The following NEBL variants were observed in gnomAD, a reference collection of about 807,000 sequenced individuals.
NEBL encodes LIM and SH3 protein 2.
NEBL carries 122 observed loss-of-function variants against 140.2 expected under a neutral mutation model. The ratio of observed to expected loss-of-function variants is 0.87; its 90% CI spans 0.75 to 1.01. NEBL has a LOEUF of 1.01. Ranked by LOEUF, NEBL falls within the 50% of genes least tolerant of loss-of-function variation. The pLI is 0.00. For synonymous variants in NEBL, 436 were observed against 398.9 expected (o/e 1.09, Z -1.11); for missense variants, 1,365 against 1,231.3 (o/e 1.11, Z -1.62).
At chr10:20,809,522 C>T (rs1227487414) in intron 25 of NEBL, among the ~76,000 whole-genome samples, 4 of 151,992 alleles carry the variant, frequency 2.6e-5, no homozygotes, top group Non-Finnish European at 5.9e-5. Context: ...CACTTTAGTG[C>T]AATCCAAATA....
intron 2 of NEBL, among the ~76,000 whole-genome samples, chr10:21,151,753 T>A (rs968737834): frequency 1.4e-4 from 22 of 152,102 alleles, no homozygotes; most frequent in African/African-American, 5.1e-4. Flanking sequence ...CTATACCAGG[T>A]TTTGCTCCAA....
intron 26 of NEBL, among the ~76,000 whole-genome samples, chr10:20,798,715 A>C (rs1836813647): frequency 6.6e-6 from 1 of 152,116 alleles, no homozygotes; most frequent in African/African-American, 2.4e-5. Flanking sequence ...TCTTTCTCCA[A>C]ATCAACTCAG....
chr10:20,957,626 A>C (rs1384874317), intron 4 of NEBL, among the ~76,000 whole-genome samples: 4 of 152,206 alleles, frequency 2.6e-5, no homozygotes, highest in African/African-American at 9.7e-5. Context: ...GTCAACACAC[A>C]GAGGTACATA....
intron 2 of NEBL, among the ~76,000 whole-genome samples, chr10:21,131,300 C>T (rs1202445066): frequency 6.6e-6 from 1 of 152,166 alleles, no homozygotes; most frequent in African/African-American, 2.4e-5. Flanking sequence ...CTGGTGAAGT[C>T]TACCAGACAT....
At chr10:21,214,525 TTA>T (rs549319986) in intron 3 of NEBL, among the ~76,000 whole-genome samples, 103 of 148,342 alleles carry the variant, frequency 6.9e-4, no homozygotes, top group African/African-American at 2.4e-3. Flanking sequence ...CACATGCACA[TTA>T]CACACACATA....
At chr10:20,801,475 G>A (rs1403802497) in intron 26 of NEBL, among the ~76,000 whole-genome samples, 1 of 152,024 alleles carries the variant, frequency 6.6e-6, no homozygotes. Context: ...GGAATTACAG[G>A]CATAAGTTAC....
intron 4 of NEBL, among the ~76,000 whole-genome samples, chr10:20,909,574 T>G (rs58488328): frequency 0.094 from 14,313 of 152,214 alleles, 730 homozygotes; most frequent in Middle Eastern, 0.13. Flanking sequence ...ACTTAAAATT[T>G]TCTTTAAGTA....
In NEBL at chr10:20,859,779, A is replaced by T. The variant is rs1843479030; in HGVS notation, c.732T>A (p.His244Gln). The T allele has an allele frequency of 1.2e-6, 2 of 1,600,024 alleles. No homozygotes were observed. Among genetic ancestry groups the T allele is most frequent in the Non-Finnish European group, 8.6e-7 (1 of 1,168,626 alleles). ...KFDNEMKDKK[H>Q]HYNPLESASF... The stretch of plus-strand genomic sequence containing the variant: ...AAGCACTTTCAAGAGGATTGTAATG[A>T]TGTTTCTTATCCTTCATTTCATTAT... Residue 244 changes from histidine (H) to glutamine (Q), a missense_variant, in exon 8 of 28, where the codon CAT becomes CAA. By Grantham distance (24) the His-to-Gln change is conservative. This residue lies in a region of NEBL where 1,323 missense variants were observed against 1,154.8 expected (regional missense o/e 1.15). Coordinates refer to ENST00000377122, the MANE Select transcript of NEBL (RefSeq NM_006393.3).
chr10:20,989,135 T>C (rs1321061239), intron 3 of NEBL, among the ~76,000 whole-genome samples: 1 of 152,220 alleles, frequency 6.6e-6, no homozygotes, highest in African/African-American at 2.4e-5. Flanking sequence ...TTTTCTAAAG[T>C]GATGCTTTTA....
intron 12 of NEBL, among the ~76,000 whole-genome samples, chr10:20,842,661 G>T (rs1841505630): frequency 6.6e-6 from 1 of 151,930 alleles, no homozygotes; most frequent in Non-Finnish European, 1.5e-5. Flanking sequence ...CATAATTTAT[G>T]AATACAATGT....
intron 4 of NEBL, among the ~76,000 whole-genome samples, chr10:20,938,417 T>A (rs1432773797): frequency 1.3e-5 from 2 of 152,090 alleles, no homozygotes; most frequent in African/African-American, 2.4e-5. Context: ...AGAAAGGACA[T>A]CCACACCAAA....
chr10:21,041,634 C>A (rs1046459873), intron 2 of NEBL, among the ~76,000 whole-genome samples: 2 of 152,084 alleles, frequency 1.3e-5, no homozygotes, highest in East Asian at 1.9e-4. Flanking sequence ...ATGGCATTCC[C>A]TCTACTCTTT....
At chr10:21,153,375 C>T (rs561531819) in intron 2 of NEBL, among the ~76,000 whole-genome samples, 2 of 144,222 alleles carry the variant, frequency 1.4e-5, no homozygotes, top group South Asian at 2.3e-4. Flanking sequence ...GGCTGGAGTG[C>T]AATGGTGAGA....
chr10:21,048,676 G>T (rs1333570543), intron 2 of NEBL, among the ~76,000 whole-genome samples: 3 of 151,998 alleles, frequency 2.0e-5, no homozygotes, highest in African/African-American at 7.2e-5. Context: ...AGAGACCCAA[G>T]CAAGAGTTGA....
At chr10:21,244,004 GAAGAAAGGA>G (rs975869378) in intron 3 of NEBL, among the ~76,000 whole-genome samples, 1 of 151,796 alleles carries the variant, frequency 6.6e-6, no homozygotes, top group South Asian at 2.1e-4. Flanking sequence ...GGAAGAAAGG[GAAGAAAGGA>G]AAGAAAGGCA....
intron 3 of NEBL, among the ~76,000 whole-genome samples, chr10:21,200,057 C>T (rs1841708543): frequency 6.6e-6 from 1 of 152,074 alleles, no homozygotes; most frequent in African/African-American, 2.4e-5. Context: ...ATCCTAGCTC[C>T]AGAACACCCC....
chr10:21,279,830 T>C (rs1842969995), intron 1 of NEBL, among the ~76,000 whole-genome samples: 1 of 151,988 alleles, frequency 6.6e-6, no homozygotes, highest in South Asian at 2.1e-4. Flanking sequence ...GCTAAATGTG[T>C]CCCACGGGCC....
intron 3 of NEBL, among the ~76,000 whole-genome samples, chr10:21,227,699 TTCTTCTTCTTCTTTCTTCTTCTTC>T (rs1564545985): frequency 3.0e-4 from 24 of 80,654 alleles, no homozygotes; most frequent in African/African-American, 9.0e-4. Context: ...CTTCTTCTTC[TTCTTCTTCTTCTTTCTTCTTCTTC>T]TTCTTCTTCT....
At chr10:20,833,959 T>C (rs1458019104) in intron 14 of NEBL, among the ~76,000 whole-genome samples, 2 of 152,264 alleles carry the variant, frequency 1.3e-5, no homozygotes, top group Non-Finnish European at 2.9e-5. Flanking sequence ...TTCTATGCTT[T>C]GGTTGGCGCC....
Sources: allele counts gnomAD v4.1 joint callset (sites outside exome capture counted in the v4.1 genomes callset), GRCh38; gene constraint gnomAD v4.1.1; regional missense constraint gnomAD v4.1.1; transcripts MANE v1.5; gene names NCBI Gene and HGNC (gene_info 2026-07-23, HGNC 2026-07-21).